BMERB1: variants seen among roughly 807,000 people sequenced by gnomAD.
BMERB1 encodes the protein bMERB domain containing 1.
A neutral mutation model predicts 23.6 loss-of-function variants in BMERB1; 12 were observed. The ratio of observed to expected loss-of-function variants is 0.51; its 90% CI spans 0.33 to 0.82. The LOEUF (loss-of-function observed/expected upper bound fraction) is 0.82. Ranked by LOEUF, BMERB1 falls within the 40% of genes least tolerant of loss-of-function variation. The pLI is 0.03. For synonymous variants in BMERB1, 122 were observed against 96.6 expected (o/e 1.26, Z -1.54); for missense variants, 247 against 255.4 (o/e 0.97, Z 0.22).
chr16:15,476,511 T>C (rs1311325522), intron 1 of BMERB1, among the ~76,000 whole-genome samples: 2 of 152,340 alleles, frequency 1.3e-5, no homozygotes, highest in East Asian at 3.9e-4. Context: ...GAGGTTCAGC[T>C]TCACAGTGAG....
chr16:15,469,012 G>C (rs988241267), intron 1 of BMERB1, among the ~76,000 whole-genome samples: 1 of 144,686 alleles, frequency 6.9e-6, no homozygotes, highest in African/African-American at 2.6e-5. Context: ...GTGTTGCCCA[G>C]GCTGGAGTCC....
intron 2 of BMERB1, among the ~76,000 whole-genome samples, chr16:15,520,610 A>C (rs2051839879): frequency 6.6e-6 from 1 of 151,272 alleles, no homozygotes; most frequent in Non-Finnish European, 1.5e-5. Context: ...CAGCCTCCCG[A>C]GTAGCTGGGA....
At chr16:15,463,765 C>T (rs1436696309) in intron 1 of BMERB1, among the ~76,000 whole-genome samples, 2 of 151,882 alleles carry the variant, frequency 1.3e-5, no homozygotes, top group Non-Finnish European at 2.9e-5. Context: ...CTGCTGTTGA[C>T]ACAACTGCCT....
chr16:15,518,018 G>C (rs530616666), intron 2 of BMERB1, among the ~76,000 whole-genome samples: 2 of 150,878 alleles, frequency 1.3e-5, no homozygotes, highest in Non-Finnish European at 3.0e-5. Context: ...TGTGGGTGTG[G>C]ATGTGTGCGT....
chr16:15,484,089 C>A (rs2051347620), intron 1 of BMERB1, among the ~76,000 whole-genome samples: 1 of 152,098 alleles, frequency 6.6e-6, no homozygotes, highest in African/African-American at 2.4e-5. Flanking sequence ...CTTTAACAGC[C>A]AGATCTCTTG....
chr16:15,554,828 G>A (rs1183394068), intron 2 of BMERB1, among the ~76,000 whole-genome samples: 5 of 151,536 alleles, frequency 3.3e-5, no homozygotes, highest in African/African-American at 7.3e-5. Context: ...CACCACGCCC[G>A]GCTGATTTTT....
chr16:15,543,665 T>C (rs1200871906), intron 2 of BMERB1, among the ~76,000 whole-genome samples: 1 of 151,732 alleles, frequency 6.6e-6, no homozygotes, highest in Non-Finnish European at 1.5e-5. Context: ...TACAAAAAAT[T>C]TTGAAATGAG....
intron 1 of BMERB1, among the ~76,000 whole-genome samples, chr16:15,449,797 C>T (rs1014996312): frequency 1.3e-5 from 2 of 152,056 alleles, no homozygotes; most frequent in East Asian, 1.9e-4. Flanking sequence ...CCACCCATCT[C>T]GGCCTCCCAA....
At chr16:15,449,292 T>A (rs1273682224) in intron 1 of BMERB1, among the ~76,000 whole-genome samples, 1 of 152,170 alleles carries the variant, frequency 6.6e-6, no homozygotes, top group Non-Finnish European at 1.5e-5. Context: ...TAATGCGTGT[T>A]CTCACTTATA....
intron 1 of BMERB1, among the ~76,000 whole-genome samples, chr16:15,492,834 G>T (rs1011508411): frequency 6.6e-6 from 1 of 151,836 alleles, no homozygotes; most frequent in African/African-American, 2.4e-5. Flanking sequence ...CAGGAGAATC[G>T]CTTGAACCCA....
At chr16:15,438,017 C>G (rs1039083431) in intron 1 of BMERB1, among the ~76,000 whole-genome samples, 4 of 151,982 alleles carry the variant, frequency 2.6e-5, no homozygotes, top group African/African-American at 9.7e-5. Flanking sequence ...ATCAAAGACT[C>G]AGTCTTGCTT....
chr16:15,566,713 A>G (rs1428184432), intron 2 of BMERB1, among the ~76,000 whole-genome samples: 2 of 152,132 alleles, frequency 1.3e-5, no homozygotes, highest in African/African-American at 2.4e-5. Context: ...AGATGACTGT[A>G]TATCAATATA....
chr16:15,502,196 C>T (rs1482515463), intron 1 of BMERB1: 65 of 1,197,526 alleles, frequency 5.4e-5, no homozygotes, highest in Non-Finnish European at 7.2e-5. Flanking sequence ...TCCTTTGACA[C>T]GTCAGATGTG....
chr16:15,474,622 C>A (rs1380537286), intron 1 of BMERB1, among the ~76,000 whole-genome samples: 1 of 152,082 alleles, frequency 6.6e-6, no homozygotes, highest in East Asian at 1.9e-4. Flanking sequence ...TCAAACGTTC[C>A]TCCTGCCTCA....
At chr16:15,568,711 G>A (rs1278009439) in intron 3 of BMERB1, among the ~76,000 whole-genome samples, 1 of 152,186 alleles carries the variant, frequency 6.6e-6, no homozygotes, top group Non-Finnish European at 1.5e-5. Flanking sequence ...TGCTTAGCTT[G>A]ATATTTGGCC....
At chr16:15,522,128 C>T (rs1219369578) in intron 2 of BMERB1, among the ~76,000 whole-genome samples, 6 of 152,162 alleles carry the variant, frequency 3.9e-5, no homozygotes, top group African/African-American at 7.2e-5. Context: ...GTGTGGTTAT[C>T]TTCCTTTTAC....
chr16:15,467,205 G>A (rs947220759), intron 1 of BMERB1, among the ~76,000 whole-genome samples: 3 of 152,074 alleles, frequency 2.0e-5, no homozygotes, highest in African/African-American at 2.4e-5. Flanking sequence ...TGAGATAAAC[G>A]CTCAGGAGTG....
At chr16:15,561,708 C>T (rs1487205166) in intron 2 of BMERB1, among the ~76,000 whole-genome samples, 1 of 152,124 alleles carries the variant, frequency 6.6e-6, no homozygotes, top group South Asian at 2.1e-4. Context: ...TCTTGGCCAA[C>T]ATGGCAAGAT....
intron 1 of BMERB1, among the ~76,000 whole-genome samples, chr16:15,464,556 G>A (rs913264928): frequency 1.6e-4 from 24 of 152,136 alleles, no homozygotes; most frequent in Non-Finnish European, 1.0e-4. Context: ...TGTCTTGATC[G>A]TATGGTAAAC....
Sources: gnomAD v4.1 joint callset for allele counts (sites outside exome capture counted in the v4.1 genomes callset) on GRCh38, gnomAD v4.1.1 for gene constraint, MANE v1.5 for transcripts, NCBI Gene and HGNC (gene_info 2026-07-23, HGNC 2026-07-21) for gene names.